ZNF850: variants seen among roughly 807,000 people sequenced by gnomAD.
ZNF850 encodes putative zinc finger protein ENSP00000330994.
Under a neutral mutation model 11.9 loss-of-function variants are expected in ZNF850, and 2 were observed. The ratio of observed to expected loss-of-function variants is 0.17; its 90% CI spans 0.07 to 0.53. The LOEUF is 0.53. Among genes scored for constraint, ZNF850 ranks in the 20% least tolerant of loss-of-function variants. The probability of loss-of-function intolerance (pLI) is 0.94; values close to 1 mark genes in which losing one functional copy is unlikely to be tolerated. For missense variants in ZNF850, 1,014 were observed against 1,316.4 expected (o/e 0.77, Z 3.55); for synonymous variants, 381 against 443.0 (o/e 0.86, Z 1.76).
rs2040405876 is a variant in ZNF850, at chr19:36,745,372, CATATA to C, written c.*2390_*2394del. The C allele has an allele frequency of 6.6e-6, 1 of 152,066 alleles. No individual in the cohort carries two copies. Among genetic ancestry groups the C allele is most frequent in the Non-Finnish European group, 1.5e-5 (1 of 68,018 alleles). The allele number at this position is 152,066 out of a possible 1,614,324, so 9.4% of individuals were successfully genotyped here. The stretch of plus-strand genomic sequence containing the variant: ...ATCAACTTTATTGAAGTGTAATTTA[CATATA>C]ATAAAATGCAACCATATGTCTACAT... On this transcript the variant is annotated 3_prime_UTR_variant, in exon 5 of 5. Coordinates refer to ENST00000591344, the MANE Select transcript of ZNF850 (RefSeq NM_001193552.2).
At chr19:36,752,202 G>C (rs2040458112) in intron 4 of ZNF850, among the ~76,000 whole-genome samples, 1 of 152,160 alleles carries the variant, frequency 6.6e-6, no homozygotes. Context: ...CAATCTGGCA[G>C]CAATGAACAC....
At chr19:36,758,383 C>CT (rs2040499539) in intron 4 of ZNF850, among the ~76,000 whole-genome samples, 1 of 151,978 alleles carries the variant, frequency 6.6e-6, no homozygotes, top group African/African-American at 2.4e-5. Context: ...TTAAAAAGTT[C>CT]TTTTTTTGTT....
Position 36,761,578 on chromosome 19 carries a change from C to T in ZNF850, c.235+65G>A. 5.6e-6 allele frequency: 5 copies of T among 900,192 alleles called. No homozygotes were observed. In the South Asian group the frequency reaches 7.7e-5, roughly 14 times the overall value. The allele number at this position is 900,192 out of a possible 1,614,324, so 55.8% of individuals were successfully genotyped here. A position where few individuals can be genotyped will look rare whatever the true frequency, so the allele number is the denominator to read the frequency against. ...CTCCTCAACCAATACCTGTACGGTGCTGCCTCCCTGACAGGCTGGCTTCTA... is the reference window on the plus strand; with the variant it reads ...CTCCTCAACCAATACCTGTACGGTGTTGCCTCCCTGACAGGCTGGCTTCTA... On this transcript the variant is annotated intron_variant, in intron 4 of 4. Coordinates refer to ENST00000591344, the MANE Select transcript of ZNF850 (RefSeq NM_001193552.2).
In ZNF850 at chr19:36,743,752, A is replaced by G. The variant is rs1429942731; in HGVS notation, c.*4015T>C. ...ATGCTAAAAATATAAAGACTTACTA[A>G]AGCACATAAAAGAATACCTACTGAA... On this transcript the variant is annotated 3_prime_UTR_variant, in exon 5 of 5. Transcript: ENST00000591344. 6.6e-6 allele frequency: 1 copy of G among 152,252 alleles called. No individual in the cohort carries two copies. Among genetic ancestry groups the G allele is most frequent in the Non-Finnish European group, 1.5e-5 (1 of 68,046 alleles). 9.4% of individuals were successfully genotyped at this position (152,252 alleles called of 1,614,324 possible).
In ZNF850 at chr19:36,745,603, G is replaced by A. The variant is rs983814799; in HGVS notation, c.*2164C>T. 5 of 151,878 alleles carry A rather than the reference G, an allele frequency of 3.3e-5. No individual in the cohort carries two copies. Among genetic ancestry groups the A allele is most frequent in the African/African-American group, 9.7e-5 (4 of 41,304 alleles). 9.4% of individuals were successfully genotyped at this position (151,878 alleles called of 1,614,324 possible). A position where few individuals can be genotyped will look rare whatever the true frequency, so the allele number is the denominator to read the frequency against. ...TGAGTCAAGAGAATCGCTTGAACCT[G>A]GGAGGCGGAGGTTGCAGTGAGCCAA... On this transcript the variant is annotated 3_prime_UTR_variant, in exon 5 of 5. Coordinates refer to ENST00000591344, the MANE Select transcript of ZNF850 (RefSeq NM_001193552.2).
At chr19:36,770,169 A>G (rs1223745744) in intron 1 of ZNF850, among the ~76,000 whole-genome samples, 1 of 152,134 alleles carries the variant, frequency 6.6e-6, no homozygotes, top group African/African-American at 2.4e-5. Flanking sequence ...AGGAACCACC[A>G]TGTGTTCAGC....
chr19:36,750,188 T>G lies in ZNF850; in HGVS notation c.852A>C (p.Lys284Asn). The G allele has an allele frequency of 6.5e-7, 1 of 1,539,200 alleles. No individual in the cohort carries two copies. The highest frequency in any genetic ancestry group is 1.2e-5 in the South Asian group (1 of 84,064). ...IHTGDKPYECKECGKSFTSGS... is the reference protein window; with the variant it reads ...IHTGDKPYECNECGKSFTSGS... The stretch of plus-strand genomic sequence containing the variant: ...CAGAAGTAAAAGATTTCCCACATTC[T>G]TTACATTCATAAGGTTTGTCACCAG... Residue 284 changes from lysine to asparagine, a missense_variant, in exon 5 of 5, where the codon AAA becomes AAC. By Grantham distance (94) the Lys-to-Asn change is moderately conservative. This residue lies in a region of ZNF850 where 835 missense variants were observed against 1,022.0 expected (regional missense o/e 0.82). Transcript: ENST00000591344.
At chr19:36,763,107 T>C (rs2145966342) in intron 1 of ZNF850, among the ~76,000 whole-genome samples, 1 of 152,046 alleles carries the variant, frequency 6.6e-6, no homozygotes, top group South Asian at 2.1e-4. Flanking sequence ...GTCAGGCTGC[T>C]CTCAAACTCC....
At chr19:36,771,775 G>A (rs1303411710) in intron 1 of ZNF850, among the ~76,000 whole-genome samples, 2 of 152,198 alleles carry the variant, frequency 1.3e-5, no homozygotes, top group African/African-American at 4.8e-5. Flanking sequence ...CTGGTCAGAG[G>A]GAAACATTCC....
At chr19:36,762,025 G>A (rs1324622232) in intron 3 of ZNF850, among the ~76,000 whole-genome samples, 3 of 137,408 alleles carry the variant, frequency 2.2e-5, no homozygotes, top group African/African-American at 8.3e-5. Context: ...CAGCCTGGGC[G>A]ACAGAGTGAG....
At chr19:36,763,773 A>G (rs1182192441) in intron 1 of ZNF850, among the ~76,000 whole-genome samples, 1 of 151,378 alleles carries the variant, frequency 6.6e-6, no homozygotes, top group East Asian at 2.0e-4. Flanking sequence ...CTACAAAAAT[A>G]TATATCATAT....
intron 4 of ZNF850, among the ~76,000 whole-genome samples, chr19:36,757,504 T>C (rs1223260888): frequency 3.9e-5 from 1 of 25,710 alleles, no homozygotes; most frequent in Non-Finnish European, 1.1e-4. Context: ...ATATAGTTTC[T>C]TTTTTTTTTT....
rs771629024 is a variant in ZNF850 at position 36,748,734 on chromosome 19, T to G, written c.2306A>C (p.His769Pro). ...TTGCTGATGTTGAATTAGTGTTGAG[T>G]GAGAAGTAAAAGATTTCCCACATTC... ...CKECGKSFTS[H>P]STLIQHQQIH... is the part of the protein sequence containing the mutation. Residue 769 changes from histidine (H) to proline (P), a missense_variant, in exon 5 of 5, where the codon CAC becomes CCC. Around this residue, in one of 2 missense-constraint regions of ZNF850, gnomAD observed 835 missense variants for 1,022.0 expected, o/e 0.82. Coordinates refer to ENST00000591344, the MANE Select transcript of ZNF850 (RefSeq NM_001193552.2). The G allele has an allele frequency of 6.5e-7, 1 of 1,539,526 alleles. No homozygotes were observed. The highest frequency in any genetic ancestry group is 1.4e-5 in the African/African-American group (1 of 72,128).
In ZNF850 at chr19:36,747,085, AG is replaced by A. The variant is rs1327072985; in HGVS notation, c.*681del. 1 of 152,638 alleles carries A rather than the reference AG, an allele frequency of 6.6e-6. No homozygotes were observed. The highest frequency in any genetic ancestry group is 1.5e-5 in the Non-Finnish European group (1 of 68,414). 9.5% of individuals were successfully genotyped at this position (152,638 alleles called of 1,614,324 possible). A position where few individuals can be genotyped will look rare whatever the true frequency, so the allele number is the denominator to read the frequency against. Reference sequence around the variant, plus strand: ...AGAATCACTTGAACCCAGGAGGCAGAGGTTGCAGTGAGCCAAGATAGCACCA... The same window carrying A: ...AGAATCACTTGAACCCAGGAGGCAGAGTTGCAGTGAGCCAAGATAGCACCA... On this transcript the variant is annotated 3_prime_UTR_variant, in exon 5 of 5. Coordinates refer to ENST00000591344, the MANE Select transcript of ZNF850 (RefSeq NM_001193552.2).
At chr19:36,770,981 T>C (rs1412312657) in intron 1 of ZNF850, among the ~76,000 whole-genome samples, 1 of 152,126 alleles carries the variant, frequency 6.6e-6, no homozygotes, top group African/African-American at 2.4e-5. Flanking sequence ...TGAAAGATCT[T>C]ATCACTTATT....
intron 1 of ZNF850, among the ~76,000 whole-genome samples, chr19:36,763,146 C>T (rs2040529356): frequency 6.6e-6 from 1 of 152,066 alleles, no homozygotes; most frequent in Non-Finnish European, 1.5e-5. Context: ...CTGCTTTGGC[C>T]TCCCAAAGTG....
rs1000815393 is a variant in ZNF850 at position 36,747,372 on chromosome 19, C to A, written c.*395G>T. On this transcript the variant is annotated 3_prime_UTR_variant, in exon 5 of 5. Coordinates refer to ENST00000591344, the MANE Select transcript of ZNF850 (RefSeq NM_001193552.2). ...ACTCATCTACATTCATTATCAATTT[C>A]TTTCAGTATTAAATGTCCTAATTTT... 3 of 161,436 alleles carry A rather than the reference C, an allele frequency of 1.9e-5. No individual in the cohort carries two copies. Among genetic ancestry groups the A allele is most frequent in the African/African-American group, 4.8e-5 (2 of 41,574 alleles). 10.0% of individuals were successfully genotyped at this position (161,436 alleles called of 1,614,324 possible). A position where few individuals can be genotyped will look rare whatever the true frequency, so the allele number is the denominator to read the frequency against.
intron 1 of ZNF850, among the ~76,000 whole-genome samples, chr19:36,771,240 T>C (rs948735382): frequency 1.3e-5 from 2 of 152,028 alleles, no homozygotes; most frequent in African/African-American, 4.8e-5. Flanking sequence ...CAAAAGAGGG[T>C]TGCCAACTAG....
rs768787318 is a variant in ZNF850, at chr19:36,747,786, C to A, written c.3254G>T (p.Arg1085Ile). 2.0e-6 allele frequency: 3 copies of A among 1,524,378 alleles called. No homozygotes were observed. The highest frequency in any genetic ancestry group is 2.8e-5 in the African/African-American group (2 of 72,208). The allele number at this position is 1,524,378 out of a possible 1,614,324, so 94.4% of individuals were successfully genotyped here. A position where few individuals can be genotyped will look rare whatever the true frequency, so the allele number is the denominator to read the frequency against. ...KQLTQLTRHQRIHDLT is the reference protein window; with the variant it reads ...KQLTQLTRHQIIHDLT ...CATTAATTATGTTAGGTCATGAATT[C>A]TCTGATGTCGAGTAAGCTGTGTAAG... Residue 1085 changes from arginine (R) to isoleucine (I), a missense_variant, in exon 5 of 5, where the codon AGA becomes ATA. Physicochemically the swap from Arg to Ile is moderately conservative, Grantham distance 97 (BLOSUM62 -3). This residue lies in a region of ZNF850 where 179 missense variants were observed against 294.4 expected (regional missense o/e 0.61). Coordinates refer to ENST00000591344, the MANE Select transcript of ZNF850 (RefSeq NM_001193552.2).
Sources: allele counts gnomAD v4.1 joint callset (sites outside exome capture counted in the v4.1 genomes callset), GRCh38; gene constraint gnomAD v4.1.1; regional missense constraint gnomAD v4.1.1; transcripts MANE v1.5; gene names NCBI Gene and HGNC (gene_info 2026-07-23, HGNC 2026-07-21).